IRAK1BP1: variants seen among roughly 807,000 people sequenced by gnomAD.
IRAK1BP1 encodes the protein interleukin-1 receptor-associated kinase 1-binding protein 1.
IRAK1BP1 carries 24 observed loss-of-function variants against 28.0 expected under a neutral mutation model. That is an observed-to-expected ratio of 0.86 (90% CI 0.62 to 1.20). IRAK1BP1 has a LOEUF of 1.20. Ranked by LOEUF, IRAK1BP1 falls within the 50% of genes most tolerant of loss-of-function variation. The pLI, the probability that IRAK1BP1 is intolerant of heterozygous loss-of-function variation, is 0.00. For synonymous variants in IRAK1BP1, 131 were observed against 116.3 expected (o/e 1.13, Z -0.81); for missense variants, 336 against 316.7 (o/e 1.06, Z -0.46).
intron 1 of IRAK1BP1, chr6:78,871,312 C>T (rs1770784673): frequency 1.0e-6 from 1 of 985,008 alleles, no homozygotes. Flanking sequence ...AGTTCTAGTG[C>T]AAGAGAGGAC....
chr6:78,945,867 G>C, exon 5 of IRAK1BP1: 1 of 682,490 alleles, frequency 1.5e-6, no homozygotes, highest in Non-Finnish European at 2.5e-6. Context: ...TTTTAAAATA[G>C]GAAATTAATA....
At chr6:78,941,345 C>T in intron 4 of IRAK1BP1, 2 of 1,590,218 alleles carry the variant, frequency 1.3e-6, no homozygotes, top group Non-Finnish European at 1.7e-6. Flanking sequence ...AAGGGAACAA[C>T]AGTACACTTA....
chr6:78,938,402 C>A (rs79643169), intron 4 of IRAK1BP1: 1 of 151,602 alleles, frequency 6.6e-6, no homozygotes. Flanking sequence ...AGACTGTGTA[C>A]GCTCTTCCTT....
At chr6:78,963,194 T>G in the IRAK1BP1 span, 8 of 1,610,306 alleles carry the variant, frequency 5.0e-6, no homozygotes, top group East Asian at 2.2e-5. Context: ...TATAGATTAG[T>G]GATCTGCACT....
intron 1 of IRAK1BP1, among the ~76,000 whole-genome samples, chr6:78,884,769 T>C (rs889107428): frequency 3.3e-5 from 5 of 152,116 alleles, no homozygotes; most frequent in African/African-American, 1.2e-4. Flanking sequence ...TATTTGTAAA[T>C]TAAATATTTT....
chr6:78,879,146 A>G (rs755821105), intron 1 of IRAK1BP1, among the ~76,000 whole-genome samples: 1 of 152,118 alleles, frequency 6.6e-6, no homozygotes, highest in Non-Finnish European at 1.5e-5. Flanking sequence ...TGGGAACTGA[A>G]CAATGAGAAC....
Position 78,898,670 on chromosome 6 carries a change from G to A in IRAK1BP1, c.*336G>A, listed in dbSNP as rs1216849438. On this transcript the variant is annotated 3_prime_UTR_variant, in exon 4 of 4. Transcript: ENST00000369940. ...ACCCTTGCATTTCATAATTTTTAAA[G>A]ATATTTAAGCTAAAATTTTCTCAGC... 3.3e-5 allele frequency: 5 copies of A among 151,352 alleles called. No individual in the cohort carries two copies. Among genetic ancestry groups the A allele is most frequent in the African/African-American group, 7.3e-5 (3 of 41,222 alleles). 9.4% of individuals were successfully genotyped at this position (151,352 alleles called of 1,614,324 possible). A position where few individuals can be genotyped will look rare whatever the true frequency, so the allele number is the denominator to read the frequency against.
chr6:78,956,311 G>A, the IRAK1BP1 span: 5 of 151,954 alleles, frequency 3.3e-5, no homozygotes, highest in African/African-American at 1.2e-4. Context: ...TAGTGGTCAA[G>A]GGCTGTGAAC....
intron 4 of IRAK1BP1, among the ~76,000 whole-genome samples, chr6:78,929,106 G>A (rs1772974609): frequency 6.6e-6 from 1 of 152,120 alleles, no homozygotes; most frequent in African/African-American, 2.4e-5. Flanking sequence ...TTCTTTAAAT[G>A]TTTGGTAGAA....
At chr6:78,919,447 T>C (rs149910770) in intron 4 of IRAK1BP1, among the ~76,000 whole-genome samples, 12 of 151,948 alleles carry the variant, frequency 7.9e-5, no homozygotes, top group Admixed American at 2.6e-4. Context: ...GACCACGAGG[T>C]AGGTTAACAA....
At chr6:78,893,306 G>GTA (rs1355844985) in intron 2 of IRAK1BP1, among the ~76,000 whole-genome samples, 75 of 97,800 alleles carry the variant, frequency 7.7e-4, no homozygotes, top group South Asian at 1.6e-3. Context: ...GTGTGTGTGT[G>GTA]TGTGTGTGTA....
At chr6:78,970,971 G>C in the IRAK1BP1 span, 1 of 880,120 alleles carries the variant, frequency 1.1e-6, no homozygotes, top group South Asian at 1.6e-5. Context: ...ATTGCAAAGA[G>C]AAAATCTAAT....
At chr6:78,873,366 CA>C (rs1220716866) in intron 1 of IRAK1BP1, among the ~76,000 whole-genome samples, 15 of 146,654 alleles carry the variant, frequency 1.0e-4, no homozygotes, top group Admixed American at 3.4e-4. Flanking sequence ...ATTGAACTTT[CA>C]AAATCTTAAA....
the IRAK1BP1 span, among the ~76,000 whole-genome samples, chr6:78,971,910 C>T: frequency 2.0e-5 from 3 of 152,184 alleles, no homozygotes; most frequent in Admixed American, 6.5e-5. Flanking sequence ...GCTAGCACAG[C>T]AGTCTGAGGT....
At chr6:78,895,766 A>G (rs1369298046) in intron 2 of IRAK1BP1, among the ~76,000 whole-genome samples, 2 of 152,220 alleles carry the variant, frequency 1.3e-5, no homozygotes, top group Non-Finnish European at 2.9e-5. Flanking sequence ...AATCCATGAA[A>G]ACCTACAGCT....
chr6:78,938,239 G>A, intron 4 of IRAK1BP1: 1 of 151,620 alleles, frequency 6.6e-6, no homozygotes, highest in East Asian at 1.9e-4. Flanking sequence ...TAAGAAACCA[G>A]TGTCTAATAA....
intron 4 of IRAK1BP1, among the ~76,000 whole-genome samples, chr6:78,916,826 C>A (rs1391691823): frequency 2.0e-5 from 3 of 152,034 alleles, no homozygotes; most frequent in African/African-American, 7.2e-5. Context: ...CACCTGTAGT[C>A]CCAGCTGCTT....
At chr6:78,949,214 CTTCAGA>C (rs1164229033), downstream of IRAK1BP1, among the ~76,000 whole-genome samples, 6 of 152,122 alleles carry the variant, frequency 3.9e-5, no homozygotes, top group Non-Finnish European at 8.8e-5. Flanking sequence ...TGTCTCACTT[CTTCAGA>C]TTCTGCATTT....
intron 4 of IRAK1BP1, among the ~76,000 whole-genome samples, chr6:78,931,276 G>A (rs2127670198): frequency 6.6e-6 from 1 of 152,150 alleles, no homozygotes; most frequent in South Asian, 2.1e-4. Context: ...GCCTGGTGAG[G>A]TGGTGTCTAC....
Sources: gnomAD v4.1 joint callset for allele counts (sites outside exome capture counted in the v4.1 genomes callset) on GRCh38, gnomAD v4.1.1 for gene constraint, MANE v1.5 for transcripts, NCBI Gene and HGNC (gene_info 2026-07-23, HGNC 2026-07-21) for gene names.